Variants in CHAT observed in about 807,000 individuals in gnomAD.
The protein encoded by CHAT is choline O-acetyltransferase.
In CHAT, 61 loss-of-function variants were observed where a neutral mutation model predicts 76.9. The ratio of observed to expected loss-of-function variants is 0.79; its 90% CI spans 0.65 to 0.98. The LOEUF (loss-of-function observed/expected upper bound fraction) is 0.98, where lower values mean the gene tolerates loss of function less well. CHAT is among the 50% of genes least tolerant of loss of function. The probability of loss-of-function intolerance (pLI) is 0.00; values close to 1 mark genes in which losing one functional copy is unlikely to be tolerated. For missense variants in CHAT, 946 were observed against 986.9 expected, an observed-to-expected ratio of 0.96 and a Z score of 0.56; for synonymous variants, 407 against 397.4, an observed-to-expected ratio of 1.02 and a Z score of -0.29.
In CHAT at chr10:49,666,846, T is replaced by C. The variant is rs772899080; in HGVS notation, c.*1800T>C. Among the ~76,000 whole-genome samples, 1 of 152,204 alleles carries C rather than the reference T, an allele frequency of 6.6e-6. No individual in the cohort carries two copies. Among genetic ancestry groups the C allele is most frequent in the African/African-American group, 2.4e-5 (1 of 41,460 alleles). The stretch of plus-strand genomic sequence containing the variant: ...TGCAGCACAAGGGTCCTGGGTTTTC[T>C]GGGGAAAGGCAGCCCACCTGCTGTA... On this transcript the variant is annotated 3_prime_UTR_variant, in exon 15 of 15. Transcript: ENST00000337653.
intron 5 of CHAT, among the ~76,000 whole-genome samples, chr10:49,623,589 C>T (rs1838806462): frequency 6.6e-6 from 1 of 152,198 alleles, no homozygotes; most frequent in South Asian, 2.1e-4. Context: ...TGTCCCTTCC[C>T]CTGAGTCCCA....
intron 5 of CHAT, among the ~76,000 whole-genome samples, chr10:49,623,633 G>A (rs900576221): frequency 3.3e-5 from 5 of 152,014 alleles, no homozygotes; most frequent in African/African-American, 9.7e-5. Flanking sequence ...CATCCCCACC[G>A]GGGTGTCTCT....
chr10:49,611,063 G>C (rs1351649261), upstream of CHAT: 18 of 1,613,908 alleles, frequency 1.1e-5, no homozygotes, highest in Admixed American at 2.7e-4. Context: ...TGGCCAGCGG[G>C]CTCAGCCCTT....
At chr10:49,621,985 A>C in intron 4 of CHAT, 112 bp from the exon 5 acceptor site, 43 of 1,181,726 alleles carry the variant, frequency 3.6e-5, no homozygotes, top group African/African-American at 1.1e-4. Context: ...AAGGGAGGGA[A>C]GAGGAAGGAG....
chr10:49,648,172 T>A lies in CHAT; in HGVS notation c.1282-335T>A, dbSNP rs117414434. Among the ~76,000 whole-genome samples, 11 of 152,234 alleles carry A rather than the reference T, an allele frequency of 7.2e-5. No homozygotes were observed. In the East Asian group the frequency reaches 1.9e-3, roughly 27 times the overall value. On this transcript the variant is annotated intron_variant, in intron 8 of 14. Transcript: ENST00000337653. ...TGTGAGCTATGACAGGAAACAGGGC[T>A]GAAGGGCCTCACCCAGGCCCCAAGG... is the stretch of plus-strand genomic sequence containing the variant.
At chr10:49,617,486 G>A (rs1172190401) in intron 2 of CHAT, among the ~76,000 whole-genome samples, 7 of 152,228 alleles carry the variant, frequency 4.6e-5, no homozygotes, top group Non-Finnish European at 1.0e-4. Flanking sequence ...TTAGCACAGG[G>A]CCAGAAGTCC....
At chr10:49,611,341 G>A, upstream of CHAT, 1 of 1,602,302 alleles carries the variant, frequency 6.2e-7, no homozygotes, top group Non-Finnish European at 8.5e-7. Context: ...AGCCATGATC[G>A]CCGATAAGTA....
intron 13 of CHAT, among the ~76,000 whole-genome samples, chr10:49,658,235 G>T (rs1013767251): frequency 6.6e-6 from 1 of 151,954 alleles, no homozygotes; most frequent in Non-Finnish European, 1.5e-5. Context: ...TACAAAAAAG[G>T]CCAGGTGTGG....
intron 7 of CHAT, among the ~76,000 whole-genome samples, chr10:49,630,819 G>C (rs753909666): frequency 4.9e-4 from 75 of 152,306 alleles, no homozygotes; most frequent in South Asian, 2.3e-3. Flanking sequence ...AGGCAGCAGA[G>C]GTAGGAGCAT....
intron 2 of CHAT, among the ~76,000 whole-genome samples, chr10:49,619,239 A>G (rs1034723426): frequency 2.6e-5 from 4 of 152,222 alleles, no homozygotes; most frequent in African/African-American, 7.2e-5. Context: ...GCTGGGAACA[A>G]TCTCTAAATT....
At chr10:49,611,169 G>A, upstream of CHAT, 25 of 1,614,158 alleles carry the variant, frequency 1.5e-5, no homozygotes, top group Non-Finnish European at 1.9e-5. Flanking sequence ...CCTTGAGCGG[G>A]CCCTTCATCG....
chr10:49,645,623 G>A (rs1839634947), intron 7 of CHAT, among the ~76,000 whole-genome samples: 1 of 152,188 alleles, frequency 6.6e-6, no homozygotes, highest in Non-Finnish European at 1.5e-5. Context: ...GAAGCTGCCA[G>A]GGAGGGCAGC....
At chr10:49,647,787 C>CCTTT (rs1839725931) in intron 8 of CHAT, 1 of 73,542 alleles carries the variant, frequency 1.4e-5, no homozygotes, top group South Asian at 4.2e-4. Context: ...TTCCTTCCTT[C>CCTTT]CTTCCTTCCT....
At chr10:49,653,392 A>G (rs1262128478) in intron 11 of CHAT, among the ~76,000 whole-genome samples, 1 of 151,932 alleles carries the variant, frequency 6.6e-6, no homozygotes, top group Non-Finnish European at 1.5e-5. Context: ...CGGCTCATCA[A>G]CTGCCTGCTA....
In CHAT at chr10:49,627,751, C is replaced by A. The variant is rs759981661; in HGVS notation, c.1077C>A (p.Ser359Arg). The A allele has an allele frequency of 6.2e-7, 1 of 1,613,974 alleles. No individual in the cohort carries two copies. Among genetic ancestry groups the A allele is most frequent in the Non-Finnish European group, 8.5e-7 (1 of 1,179,872 alleles). The change falls in exon 7 of 15, where the codon AGC becomes AGA. Residue 359 changes from serine (S) to arginine (R), a missense_variant. Transcript: ENST00000337653. Reference sequence around the variant, plus strand: ...GCCTGCTGACGTCTGACGGGAGGAGCGAGTGGGCCGAGGCCAGGACGGTCC... The same window carrying A: ...GCCTGCTGACGTCTGACGGGAGGAGAGAGTGGGCCGAGGCCAGGACGGTCC... ...PIGLLTSDGR[S>R]EWAEARTVLV...
At chr10:49,623,431 T>TTTAA (rs563263302) in intron 5 of CHAT, among the ~76,000 whole-genome samples, 22 of 152,336 alleles carry the variant, frequency 1.4e-4, no homozygotes, top group East Asian at 7.7e-4. Flanking sequence ...GTTTTGAACC[T>TTTAA]TTAATTAATT....
chr10:49,625,494 T>C lies in CHAT; in HGVS notation c.774T>C (p.Cys258=). Residue 258 remains cysteine (C), a synonymous_variant, in exon 6 of 15, where the codon TGT becomes TGC. Transcript: ENST00000337653. The stretch of plus-strand genomic sequence containing the variant: ...TCAGCCACTCCATTCCCACTGACTG[T>C]GCCAAAGGCCAGCTGTCAGGGCAGC... ...LLDSHSIPTD[C]AKGQLSGQPL... is the part of the protein sequence containing the mutation. 1 of 1,612,718 alleles carries C rather than the reference T, an allele frequency of 6.2e-7. No homozygotes were observed. Among genetic ancestry groups the C allele is most frequent in the Non-Finnish European group, 8.5e-7 (1 of 1,180,012 alleles).
intron 1 of CHAT, chr10:49,616,224 G>C (rs955066836): frequency 1.0e-6 from 1 of 960,712 alleles, no homozygotes; most frequent in Non-Finnish European, 1.7e-6. Flanking sequence ...ATTGCCCCAG[G>C]GTGGTCAGCT....
At position 49,655,420 on chromosome 10, in the gene CHAT, T is replaced by A. The variant is rs1178039732; in HGVS notation, c.1811T>A (p.Ile604Asn). The A allele has an allele frequency of 3.1e-6, 5 of 1,614,002 alleles. No individual in the cohort carries two copies. Among genetic ancestry groups the A allele is most frequent in the Non-Finnish European group, 3.4e-6 (4 of 1,180,036 alleles). The change falls in exon 13 of 15, where the codon ATC becomes AAC. Residue 604 changes from isoleucine to asparagine, a missense_variant. By Grantham distance (149) the Ile-to-Asn change is moderately radical (BLOSUM62 -3). Coordinates refer to ENST00000337653, the MANE Select transcript of CHAT (RefSeq NM_020549.5). ...SEKLLLLKDAIRAQTAYTVMA... is the reference protein window; with the variant it reads ...SEKLLLLKDANRAQTAYTVMA... Reference sequence around the variant, plus strand: ...AAGCTTCTGCTCCTGAAGGATGCCATCCGTGCCCAGACTGCATACACAGTC... The same window carrying A: ...AAGCTTCTGCTCCTGAAGGATGCCAACCGTGCCCAGACTGCATACACAGTC...
Sources: allele counts gnomAD v4.1 joint callset (sites outside exome capture counted in the v4.1 genomes callset), GRCh38; gene constraint gnomAD v4.1.1; transcripts MANE v1.5; gene names NCBI Gene and HGNC (gene_info 2026-07-23, HGNC 2026-07-21).